MTHFD2L: variants seen among roughly 807,000 people sequenced by gnomAD.
MTHFD2L encodes methylenetetrahydrofolate dehydrogenase (NADP+ dependent) 2 like.
MTHFD2L carries 29 observed loss-of-function variants against 34.9 expected under a neutral mutation model. The observed-to-expected ratio is 0.83, with a 90% CI of 0.62 to 1.13. The LOEUF is 1.13. MTHFD2L is among the 50% of genes most tolerant of loss of function. MTHFD2L has a pLI of 0.00. For missense variants in MTHFD2L, 481 were observed against 446.5 expected (o/e 1.08, Z -0.70); for synonymous variants, 167 against 155.7 (o/e 1.07, Z -0.54).
In MTHFD2L at chr4:74,158,200, T is replaced by C; in HGVS notation, c.62T>C (p.Leu21Ser). The C allele has an allele frequency of 6.6e-7, 1 of 1,525,880 alleles. No homozygotes were observed. The highest frequency in any genetic ancestry group is 8.8e-7 in the Non-Finnish European group (1 of 1,136,870). The allele number at this position is 1,525,880 out of a possible 1,614,324, so 94.5% of individuals were successfully genotyped here. ...GGCCGCCTTGGCCGAGCGCCGGCGT[T>C]GGGCAGAAGCACAGCACCCTCCGTA... ...LRGRLGRAPA[L>S]GRSTAPSVRA... is the part of the protein sequence containing the mutation. Residue 21 changes from leucine (L) to serine (S), a missense_variant, in exon 1 of 8, where the codon TTG (leucine) becomes TCG (serine). Coordinates refer to ENST00000325278, the MANE Select transcript of MTHFD2L (RefSeq NM_001144978.3).
intron 6 of MTHFD2L, among the ~76,000 whole-genome samples, chr4:74,266,086 T>C (rs1300081260): frequency 6.6e-6 from 1 of 152,222 alleles, no homozygotes; most frequent in Non-Finnish European, 1.5e-5. Flanking sequence ...TCTGTACACA[T>C]CCATTAAGCA....
In MTHFD2L at chr4:74,289,547, TC is replaced by T. The variant is rs201908749; in HGVS notation, c.931+7998del. On this transcript the variant is annotated intron_variant, in intron 7 of 7. Coordinates refer to ENST00000325278, the MANE Select transcript of MTHFD2L (RefSeq NM_001144978.3). ...CATTGGAGGATGTGGGGCAAAGAAA[TC>T]ACATTTGACTTGTATTTTAACAGTG... Among the ~76,000 whole-genome samples, 37 of 152,272 alleles carry T rather than the reference TC, an allele frequency of 2.4e-4. 1 individual carries two copies. In the East Asian group the frequency reaches 6.9e-3, roughly 29 times the overall value.
intron 1 of MTHFD2L, among the ~76,000 whole-genome samples, chr4:74,132,078 A>G (rs763315161): frequency 1.2e-4 from 19 of 152,226 alleles, no homozygotes; most frequent in Non-Finnish European, 2.1e-4. Context: ...ATCATTAAAA[A>G]GTCAGGAAAC....
intron 1 of MTHFD2L, among the ~76,000 whole-genome samples, chr4:74,173,334 T>C (rs545429256): frequency 6.6e-6 from 1 of 152,296 alleles, no homozygotes; most frequent in Admixed American, 6.5e-5. Flanking sequence ...ATCTATCAAA[T>C]TATGGCACTT....
intron 1 of MTHFD2L, among the ~76,000 whole-genome samples, chr4:74,136,387 A>T (rs988446719): frequency 1.3e-5 from 2 of 152,104 alleles, no homozygotes; most frequent in Non-Finnish European, 2.9e-5. Context: ...ACTACAAAGA[A>T]TATGCAATAC....
intron 5 of MTHFD2L, among the ~76,000 whole-genome samples, chr4:74,217,261 C>T (rs1387784344): frequency 6.6e-6 from 1 of 151,722 alleles, no homozygotes; most frequent in East Asian, 1.9e-4. Flanking sequence ...CTAGGGTTGC[C>T]CCTGACCACC....
At chr4:74,174,292 A>G (rs1488907973) in intron 1 of MTHFD2L, among the ~76,000 whole-genome samples, 2 of 152,148 alleles carry the variant, frequency 1.3e-5, no homozygotes, top group East Asian at 3.9e-4. Context: ...TAGCAGATAG[A>G]TTATACTGTA....
At chr4:74,122,171 G>A (rs1371800331), upstream of MTHFD2L, among the ~76,000 whole-genome samples, 2 of 152,064 alleles carry the variant, frequency 1.3e-5, no homozygotes, top group African/African-American at 2.4e-5. Flanking sequence ...TGGAAATAGG[G>A]GTTGTATTCC....
At chr4:74,144,012 C>T (rs947162291) in intron 1 of MTHFD2L, among the ~76,000 whole-genome samples, 1 of 152,162 alleles carries the variant, frequency 6.6e-6, no homozygotes, top group Non-Finnish European at 1.5e-5. Context: ...AGAGGTATGG[C>T]AGAATAAGCT....
At chr4:74,209,775 C>T (rs1478176882) in intron 5 of MTHFD2L, among the ~76,000 whole-genome samples, 1 of 152,192 alleles carries the variant, frequency 6.6e-6, no homozygotes, top group Non-Finnish European at 1.5e-5. Context: ...GCCATGCTGT[C>T]TTCCACAATG....
chr4:74,243,259 G>A lies in MTHFD2L; in HGVS notation c.805+17865G>A, dbSNP rs571039250. Among the ~76,000 whole-genome samples the A allele has an allele frequency of 9.2e-5, 14 of 152,258 alleles. No homozygotes were observed. In the East Asian group the frequency reaches 1.4e-3, roughly 15 times the overall value. On this transcript the variant is annotated intron_variant, in intron 6 of 7. Transcript: ENST00000325278. ...AAATCGGATATATTTTTATCACAGC[G>A]CATTTCAGTTATGCCAGTCATCTTC...
At chr4:74,134,304 T>A (rs1722750159) in intron 1 of MTHFD2L, among the ~76,000 whole-genome samples, 1 of 152,152 alleles carries the variant, frequency 6.6e-6, no homozygotes, top group South Asian at 2.1e-4. Context: ...AGCAAGTATG[T>A]TCCACAAGTC....
intron 6 of MTHFD2L, among the ~76,000 whole-genome samples, chr4:74,248,966 G>A (rs1347311140): frequency 6.6e-6 from 1 of 151,330 alleles, no homozygotes; most frequent in East Asian, 1.9e-4. Context: ...TGTTGATTTG[G>A]GGTGGAGAGT....
chr4:74,206,729 G>T (rs539798860), intron 5 of MTHFD2L, among the ~76,000 whole-genome samples: 20 of 152,058 alleles, frequency 1.3e-4, no homozygotes, highest in African/African-American at 4.3e-4. Flanking sequence ...ATTGGTTTTA[G>T]CATAGTGTCT....
intron 7 of MTHFD2L, among the ~76,000 whole-genome samples, chr4:74,294,391 C>A (rs1560568637): frequency 6.6e-6 from 1 of 152,034 alleles, no homozygotes; most frequent in Non-Finnish European, 1.5e-5. Context: ...TTGTTCAATT[C>A]TTGGCCCTGG....
At chr4:74,172,778 C>T (rs1279365234) in intron 1 of MTHFD2L, among the ~76,000 whole-genome samples, 1 of 152,108 alleles carries the variant, frequency 6.6e-6, no homozygotes, top group Non-Finnish European at 1.5e-5. Flanking sequence ...CTTAGCAGAA[C>T]ATTGTTTACA....
intron 6 of MTHFD2L, among the ~76,000 whole-genome samples, chr4:74,270,655 G>A (rs543004748): frequency 1.6e-4 from 24 of 152,258 alleles, no homozygotes; most frequent in African/African-American, 5.5e-4. Flanking sequence ...CTTTATAGCA[G>A]CATGATTTAT....
intron 6 of MTHFD2L, among the ~76,000 whole-genome samples, chr4:74,265,855 G>C (rs376899955): frequency 9.2e-5 from 14 of 152,286 alleles, no homozygotes; most frequent in African/African-American, 3.4e-4. Context: ...GCAATACTTT[G>C]TATGATGGGT....
intron 4 of MTHFD2L, 112 bp downstream of exon 4, chr4:74,200,058 C>A: frequency 2.2e-6 from 2 of 922,272 alleles, no homozygotes; most frequent in Non-Finnish European, 3.3e-6. Context: ...AAATCATAAT[C>A]CATAAAACGT....
Sources: gnomAD v4.1 joint callset for allele counts (sites outside exome capture counted in the v4.1 genomes callset) on GRCh38, gnomAD v4.1.1 for gene constraint, MANE v1.5 for transcripts, NCBI Gene and HGNC (gene_info 2026-07-23, HGNC 2026-07-21) for gene names.